Variants in LPAR3 observed in about 807,000 individuals in gnomAD.
LPAR3 encodes LPA receptor 3.
In LPAR3, 7 loss-of-function variants were observed where a neutral mutation model predicts 17.8. That is an observed-to-expected ratio of 0.39 (90% CI 0.22 to 0.74). LPAR3 has a LOEUF of 0.74. Among genes scored for constraint, LPAR3 ranks in the 30% least tolerant of loss-of-function variants. The pLI is 0.40. For missense variants in LPAR3, 391 were observed against 453.4 expected (o/e 0.86, Z 1.25); for synonymous variants, 179 against 179.9 (o/e 0.99, Z 0.04).
chr1:84,840,673 CT>C (rs1451146300), intron 2 of LPAR3, among the ~76,000 whole-genome samples: 3 of 152,144 alleles, frequency 2.0e-5, no homozygotes, highest in South Asian at 2.1e-4. Context: ...GGAAACTTTT[CT>C]GAACAATTTA....
At chr1:84,864,052 A>C (rs1324546800) in intron 2 of LPAR3, among the ~76,000 whole-genome samples, 3 of 152,102 alleles carry the variant, frequency 2.0e-5, no homozygotes, top group African/African-American at 7.2e-5. Flanking sequence ...TCTCTAAAAA[A>C]ATTACAAAAA....
At chr1:84,887,531 A>C (rs1323343113) in intron 1 of LPAR3, among the ~76,000 whole-genome samples, 1 of 152,198 alleles carries the variant, frequency 6.6e-6, no homozygotes, top group Admixed American at 6.5e-5. Flanking sequence ...ACACTAGTAC[A>C]AAGGTGTTTT....
Position 84,812,100 on chromosome 1 carries a change from A to T in LPAR3, c.*1746T>A, listed in dbSNP as rs1328238123. ...AATAAGAGATGGGAAATTATTCTAC[A>T]TGCTAAATCCAACATGCCACCAGTT... On this transcript the variant is annotated 3_prime_UTR_variant, in exon 3 of 3. Transcript: ENST00000370611. 6.6e-6 allele frequency: 1 copy of T among 152,218 alleles called. No homozygotes were observed. The highest frequency in any genetic ancestry group is 6.5e-5 in the Admixed American group (1 of 15,280). The allele number at this position is 152,218 out of a possible 1,614,324, so 9.4% of individuals were successfully genotyped here. A position where few individuals can be genotyped will look rare whatever the true frequency, so the allele number is the denominator to read the frequency against.
chr1:84,829,943 G>A (rs758843356), intron 2 of LPAR3, among the ~76,000 whole-genome samples: 1 of 152,042 alleles, frequency 6.6e-6, no homozygotes, highest in Non-Finnish European at 1.5e-5. Context: ...ATAAAAACCC[G>A]AAGAGAGAAG....
intron 2 of LPAR3, among the ~76,000 whole-genome samples, chr1:84,860,818 A>G (rs770617752): frequency 7.0e-6 from 1 of 143,596 alleles, no homozygotes; most frequent in Non-Finnish European, 1.5e-5. Context: ...GGCTCACTGC[A>G]ACCTCCACCT....
At chr1:84,852,073 T>C (rs1374592262) in intron 2 of LPAR3, among the ~76,000 whole-genome samples, 8 of 148,686 alleles carry the variant, frequency 5.4e-5, no homozygotes, top group African/African-American at 7.5e-5. Flanking sequence ...TTTTTTTGAG[T>C]TGGAGTCTCG....
intron 2 of LPAR3, among the ~76,000 whole-genome samples, chr1:84,831,770 T>C (rs1455471527): frequency 1.3e-5 from 2 of 150,830 alleles, no homozygotes; most frequent in Admixed American, 6.6e-5. Context: ...CGTTCAAAAT[T>C]AGAGGAGAAC....
chr1:84,839,845 T>C (rs933317896), intron 2 of LPAR3, among the ~76,000 whole-genome samples: 3 of 152,202 alleles, frequency 2.0e-5, no homozygotes, highest in Admixed American at 6.5e-5. Flanking sequence ...GGAATGGTGA[T>C]AATACATACT....
At chr1:84,879,204 T>C (rs1454620812) in intron 1 of LPAR3, among the ~76,000 whole-genome samples, 2 of 152,226 alleles carry the variant, frequency 1.3e-5, no homozygotes. Flanking sequence ...TAATTGCATA[T>C]TGCCCTGTGA....
Position 84,824,049 on chromosome 1 carries a change from T to C in LPAR3, c.737-9878A>G, listed in dbSNP as rs150060476. Among the ~76,000 whole-genome samples, 95 of 152,288 alleles carry C rather than the reference T, an allele frequency of 6.2e-4. 1 individual carries two copies. Among genetic ancestry groups the C allele is most frequent in the African/African-American group, 2.2e-3 (90 of 41,566 alleles). ...TTAATCACATAAACTGTCATGAGCA[T>C]AGAACAGTGCCCTGGGGGAATGTAT... On this transcript the variant is annotated intron_variant, in intron 2 of 2. Coordinates refer to ENST00000370611, the MANE Select transcript of LPAR3 (RefSeq NM_012152.3).
chr1:84,851,798 C>G (rs1659719676), intron 2 of LPAR3, among the ~76,000 whole-genome samples: 1 of 152,188 alleles, frequency 6.6e-6, no homozygotes, highest in Non-Finnish European at 1.5e-5. Context: ...AGGCTGGGAA[C>G]AGGACTGGGA....
At chr1:84,886,001 T>C (rs1355637959) in intron 1 of LPAR3, among the ~76,000 whole-genome samples, 1 of 152,188 alleles carries the variant, frequency 6.6e-6, no homozygotes, top group Non-Finnish European at 1.5e-5. Flanking sequence ...TGTGTACACA[T>C]ATACACATAT....
intron 2 of LPAR3, among the ~76,000 whole-genome samples, chr1:84,818,871 A>G (rs1399045495): frequency 6.6e-6 from 1 of 152,160 alleles, no homozygotes; most frequent in African/African-American, 2.4e-5. Flanking sequence ...TTAGTTATCA[A>G]TATATTGGAA....
At position 84,826,617 on chromosome 1, in the gene LPAR3, C is replaced by CA. The variant is rs5775801; in HGVS notation, c.737-12447dup. Among the ~76,000 whole-genome samples, 1,062 of 143,052 alleles carry CA rather than the reference C, an allele frequency of 7.4e-3. 12 individuals are homozygous for CA. Among genetic ancestry groups the CA allele is most frequent in the African/African-American group, 0.021 (812 of 38,428 alleles). 93.8% of individuals were successfully genotyped at this position (143,052 alleles called of 152,430 possible). A position where few individuals can be genotyped will look rare whatever the true frequency, so the allele number is the denominator to read the frequency against. ...ATGTTTATTATTTATTGTTTTTAACCAAAAAAAAAAACAGGTTACAAAACA... is the reference window on the plus strand; with the variant it reads ...ATGTTTATTATTTATTGTTTTTAACCAAAAAAAAAAAACAGGTTACAAAACA... On this transcript the variant is annotated intron_variant, in intron 2 of 2. Coordinates refer to ENST00000370611, the MANE Select transcript of LPAR3 (RefSeq NM_012152.3).
intron 1 of LPAR3, among the ~76,000 whole-genome samples, chr1:84,874,435 G>A (rs911348746): frequency 1.3e-5 from 2 of 152,190 alleles, no homozygotes; most frequent in African/African-American, 4.8e-5. Flanking sequence ...TATACACACA[G>A]CTTCTACCCT....
chr1:84,880,357 G>T (rs978351014), intron 1 of LPAR3, among the ~76,000 whole-genome samples: 3 of 152,230 alleles, frequency 2.0e-5, no homozygotes, highest in African/African-American at 7.2e-5. Flanking sequence ...CGTAAGCAAA[G>T]GTGGAAAGGA....
At chr1:84,836,007 T>TTTTTTTTTC in intron 2 of LPAR3, among the ~76,000 whole-genome samples, 1 of 17,164 alleles carries the variant, frequency 5.8e-5, no homozygotes, top group African/African-American at 2.9e-4. Context: ...AACCCCGGCC[T>TTTTTTTTTC]TTTTTTTTTT....
chr1:84,814,224 C>T (rs1291047900), intron 2 of LPAR3, 53 bp from the exon 3 acceptor site: 3 of 1,482,202 alleles, frequency 2.0e-6, no homozygotes, highest in African/African-American at 2.8e-5. Context: ...GGGACTTATT[C>T]AGGTTTTCTT....
At chr1:84,892,128 G>A (rs1660563643) in intron 1 of LPAR3, among the ~76,000 whole-genome samples, 1 of 151,886 alleles carries the variant, frequency 6.6e-6, no homozygotes. Context: ...CAGGAGAATC[G>A]CTCGAACCTG....
Sources: gnomAD v4.1 joint callset for allele counts (sites outside exome capture counted in the v4.1 genomes callset) on GRCh38, gnomAD v4.1.1 for gene constraint, MANE v1.5 for transcripts, NCBI Gene and HGNC (gene_info 2026-07-23, HGNC 2026-07-21) for gene names.